The following KLHDC4 variants were observed in gnomAD, a reference collection of about 807,000 sequenced individuals.
KLHDC4 encodes kelch domain-containing protein 4.
In KLHDC4, 90 loss-of-function variants were observed where a neutral mutation model predicts 62.4. The ratio of observed to expected loss-of-function variants is 1.44; its 90% CI spans 1.22 to 1.72. The LOEUF (loss-of-function observed/expected upper bound fraction) is 1.72. Among genes scored for constraint, KLHDC4 ranks in the 40% most tolerant of loss-of-function variants. The pLI is 0.00. For missense variants in KLHDC4, 1,025 were observed against 699.7 expected, an observed-to-expected ratio of 1.47 and a Z score of -5.25; for synonymous variants, 386 against 284.4, an observed-to-expected ratio of 1.36 and a Z score of -3.59.
In KLHDC4 at chr16:87,741,616, G is replaced by C. The variant is rs528066720; in HGVS notation, c.506+7057C>G. 3.4e-5 allele frequency among the ~76,000 whole-genome samples: 5 copies of C among 146,372 alleles called. No homozygotes were observed. The East Asian group carries it at 6.0e-4, about 17-fold the overall frequency. On this transcript the variant is annotated intron_variant, in intron 5 of 11. Coordinates refer to ENST00000270583, the MANE Select transcript of KLHDC4 (RefSeq NM_017566.4). ...TGAAACCAGTCCCTGGTGCCGAAAA[G>C]GGTGGGGACCATTGCTATACATTAA...
chr16:87,722,532 T>C (rs991338413), intron 7 of KLHDC4, among the ~76,000 whole-genome samples: 6 of 152,168 alleles, frequency 3.9e-5, no homozygotes, highest in Admixed American at 2.6e-4. Flanking sequence ...GATCAAACAC[T>C]GTCAAGCACG....
chr16:87,735,025 C>G (rs1027294849), intron 5 of KLHDC4, among the ~76,000 whole-genome samples: 1 of 140,254 alleles, frequency 7.1e-6, no homozygotes, highest in Non-Finnish European at 1.5e-5. Flanking sequence ...GACGAATTGC[C>G]CGACGCCCCC....
At chr16:87,718,087 C>CA (rs1567683919) in intron 7 of KLHDC4, among the ~76,000 whole-genome samples, 2 of 152,140 alleles carry the variant, frequency 1.3e-5, no homozygotes, top group Non-Finnish European at 2.9e-5. Context: ...GCTTCTAACT[C>CA]CTCCTTCTAC....
intron 8 of KLHDC4, 99 bp from the exon 9 acceptor site, chr16:87,711,542 G>A: frequency 9.6e-7 from 1 of 1,038,526 alleles, no homozygotes; most frequent in Non-Finnish European, 1.4e-6. Flanking sequence ...CCCAGAATGG[G>A]GTAAATGAAA....
At chr16:87,733,836 T>C (rs935265957) in intron 5 of KLHDC4, among the ~76,000 whole-genome samples, 3 of 152,124 alleles carry the variant, frequency 2.0e-5, no homozygotes, top group Non-Finnish European at 2.9e-5. Flanking sequence ...CCTCCGTGGC[T>C]TTCACACCCA....
At chr16:87,718,340 T>TCCTCCC (rs1555561036) in intron 7 of KLHDC4, among the ~76,000 whole-genome samples, 2 of 18,242 alleles carry the variant, frequency 1.1e-4, no homozygotes, top group Non-Finnish European at 2.1e-4. Flanking sequence ...CCTCCCCCTC[T>TCCTCCC]CCTCCCCCTC....
Position 87,718,275 on chromosome 16 carries a change from T to TTCGCTC in KLHDC4, c.760-3708_760-3703dup, listed in dbSNP as rs1167954819. ...CACGCAGTCTTTCCACAAAAACCGA[T>TTCGCTC]TCGCTCTCGCTCTCCCTCTCCCTCT... On this transcript the variant is annotated intron_variant, in intron 7 of 11. Transcript: ENST00000270583. 2.4e-3 allele frequency among the ~76,000 whole-genome samples: 348 copies of TTCGCTC among 142,934 alleles called. 1 individual carries two copies. Among genetic ancestry groups the TTCGCTC allele is most frequent in the African/African-American group, 8.7e-3 (328 of 37,706 alleles). 93.8% of individuals were successfully genotyped at this position (142,934 alleles called of 152,430 possible).
exon 1 of KLHDC4, chr16:87,700,529 G>A (rs141185720): frequency 1.3e-3 from 212 of 166,062 alleles, no homozygotes; most frequent in Non-Finnish European, 2.0e-3. Flanking sequence ...AAAGAGGGTG[G>A]AGGGAGGAGG....
intron 7 of KLHDC4, among the ~76,000 whole-genome samples, chr16:87,717,141 G>A (rs1173210978): frequency 4.0e-5 from 6 of 151,744 alleles, no homozygotes; most frequent in Admixed American, 2.0e-4. Flanking sequence ...TGAGGTGGGA[G>A]GACTACTTGA....
At chr16:87,730,741 TTC>T in intron 5 of KLHDC4, 97 bp from the exon 6 acceptor site, 5 of 1,032,304 alleles carry the variant, frequency 4.8e-6, no homozygotes, top group East Asian at 2.4e-5. Context: ...TTACACTGAT[TTC>T]TGTTTTGTGA....
chr16:87,708,500 G>A (rs760878450), intron 10 of KLHDC4, 34 bp from the exon 11 acceptor site: 1 of 1,526,014 alleles, frequency 6.6e-7, no homozygotes, highest in Non-Finnish European at 8.9e-7. Flanking sequence ...ATACACGTCA[G>A]CGCAGCTGAG....
Position 87,708,409 on chromosome 16 carries a change from C to G in KLHDC4, c.1505G>C (p.Gly502Ala), listed in dbSNP as rs763365860. Residue 502 changes from glycine (G) to alanine (A), a missense_variant, in exon 11 of 12, where the codon GGC (glycine) becomes GCC (alanine). Gly to Ala is a moderately conservative substitution (Grantham distance 60). Transcript: ENST00000270583. Reference sequence around the variant, plus strand: ...TTCGTCGTCGACCCCACCCTCGGCGCCCTCAACCTCCTCACTGTCCTCTTC... The same window carrying G: ...TTCGTCGTCGACCCCACCCTCGGCGGCCTCAACCTCCTCACTGTCCTCTTC... ...DSEEDSEEVEGAEGGVDDEDS... is the reference protein window; with the variant it reads ...DSEEDSEEVEAAEGGVDDEDS... The G allele has an allele frequency of 6.4e-5, 103 of 1,612,156 alleles. No homozygotes were observed. The South Asian group carries it at 1.1e-3, about 18-fold the overall frequency.
intron 5 of KLHDC4, among the ~76,000 whole-genome samples, chr16:87,747,987 C>A (rs771742340): frequency 6.6e-6 from 1 of 152,208 alleles, no homozygotes. Context: ...CCGCAGCAAT[C>A]GAGCCAGGCC....
At chr16:87,751,661 G>A (rs1197291202) in intron 4 of KLHDC4, among the ~76,000 whole-genome samples, 46 of 152,100 alleles carry the variant, frequency 3.0e-4, no homozygotes, top group South Asian at 2.1e-4. Flanking sequence ...GCTCATGCCT[G>A]TAACCCCAAC....
chr16:87,751,552 G>A (rs773686047), intron 4 of KLHDC4, among the ~76,000 whole-genome samples: 2 of 151,906 alleles, frequency 1.3e-5, no homozygotes, highest in Non-Finnish European at 2.9e-5. Flanking sequence ...AGGGAGAATA[G>A]ACAATGGACT....
intron 5 of KLHDC4, among the ~76,000 whole-genome samples, chr16:87,732,566 A>G (rs1372736980): frequency 6.6e-6 from 1 of 152,256 alleles, no homozygotes; most frequent in East Asian, 1.9e-4. Context: ...ATACAATCAC[A>G]CACAAATAAC....
intron 1 of KLHDC4, chr16:87,765,056 CGGAACTGACCTGCT>C (rs1407046803): frequency 2.2e-6 from 1 of 451,564 alleles, no homozygotes; most frequent in Admixed American, 2.4e-5. Context: ...ACCAGTGCTA[CGGAACTGACCTGCT>C]CGTGAGGAGT....
chr16:87,720,372 C>A (rs2038031911), intron 7 of KLHDC4, among the ~76,000 whole-genome samples: 1 of 152,206 alleles, frequency 6.6e-6, no homozygotes, highest in Admixed American at 6.5e-5. Context: ...GGGGCCGCTC[C>A]TTCCCACACC....
intron 8 of KLHDC4, 32 bp from the exon 9 acceptor site, chr16:87,711,475 A>T: frequency 6.4e-7 from 1 of 1,573,388 alleles, no homozygotes; most frequent in East Asian, 2.3e-5. Context: ...GTGGGATAAG[A>T]ACACAAGGAA....
Sources: gnomAD v4.1 joint callset for allele counts (sites outside exome capture counted in the v4.1 genomes callset) on GRCh38, gnomAD v4.1.1 for gene constraint, MANE v1.5 for transcripts, NCBI Gene and HGNC (gene_info 2026-07-23, HGNC 2026-07-21) for gene names.